Variants in SYNE1 observed in about 807,000 individuals in gnomAD.
The protein encoded by SYNE1 is nesprin-1.
In SYNE1, 616 loss-of-function variants were observed where a neutral mutation model predicts 1,111.0. The ratio of observed to expected loss-of-function variants is 0.55; its 90% CI spans 0.52 to 0.59. SYNE1 has a LOEUF of 0.59. Among genes scored for constraint, SYNE1 ranks in the 20% least tolerant of loss-of-function variants. The pLI is 0.00. For synonymous variants in SYNE1, 3,855 were observed against 3,825.8 expected (o/e 1.01, Z -0.28); for missense variants, 10,006 against 10,417.0 (o/e 0.96, Z 1.72).
At chr6:152,631,938 A>C (rs1167896615) in intron 2 of SYNE1, among the ~76,000 whole-genome samples, 2 of 152,154 alleles carry the variant, frequency 1.3e-5, no homozygotes, top group Non-Finnish European at 2.9e-5. Context: ...CACCCCTCTG[A>C]AGAACACTTT....
At chr6:152,589,715 T>A (rs1001118096) in intron 3 of SYNE1, among the ~76,000 whole-genome samples, 5 of 152,186 alleles carry the variant, frequency 3.3e-5, no homozygotes, top group Non-Finnish European at 5.9e-5. Flanking sequence ...CATAACCATC[T>A]AGCATGGCTC....
At chr6:152,534,636 T>C (rs1238347258) in intron 4 of SYNE1, among the ~76,000 whole-genome samples, 1 of 151,718 alleles carries the variant, frequency 6.6e-6, no homozygotes, top group East Asian at 1.9e-4. Flanking sequence ...TTTGGGGGGG[T>C]GAATTATTGC....
At chr6:152,310,239 C>A (rs771580591) in intron 89 of SYNE1, among the ~76,000 whole-genome samples, 157 bp downstream of exon 89, 10 of 151,768 alleles carry the variant, frequency 6.6e-5, no homozygotes, top group Non-Finnish European at 1.2e-4. Context: ...TTCAGGAGTT[C>A]GAGACCAGCC....
At chr6:152,253,826 T>TGTTTGTTTG (rs1248304861) in intron 104 of SYNE1, among the ~76,000 whole-genome samples, 1 of 57,266 alleles carries the variant, frequency 1.7e-5, no homozygotes, top group African/African-American at 1.4e-4. Flanking sequence ...TGGTTTTTTT[T>TGTTTGTTTG]TTTTTTTTTT....
At chr6:152,404,385 GA>G (rs2097863832) in intron 45 of SYNE1, 71 bp from the exon 46 acceptor site, 6 of 1,230,966 alleles carry the variant, frequency 4.9e-6, no homozygotes, top group Non-Finnish European at 7.2e-6. Flanking sequence ...ATAATTTCAA[GA>G]AGAGCTAACT....
chr6:152,456,638 T>C (rs1320499598), intron 22 of SYNE1: 2 of 396,184 alleles, frequency 5.0e-6, no homozygotes, highest in African/African-American at 2.1e-5. Flanking sequence ...CTGCTGCACA[T>C]CTGCAGGACA....
intron 38 of SYNE1, 29 bp downstream of exon 38, chr6:152,427,664 T>C (rs1295825562): frequency 7.4e-6 from 12 of 1,613,734 alleles, no homozygotes; most frequent in Non-Finnish European, 1.0e-5. Context: ...CATTTTATTT[T>C]TTCCTTCCTC....
chr6:152,415,789 T>TTA (rs1359856080), intron 41 of SYNE1, among the ~76,000 whole-genome samples: 2 of 73,022 alleles, frequency 2.7e-5, no homozygotes, highest in East Asian at 5.1e-4. Flanking sequence ...TTCAAAGTGG[T>TTA]AAAAAAAAAA....
intron 3 of SYNE1, among the ~76,000 whole-genome samples, chr6:152,564,835 G>A (rs1293017010): frequency 6.6e-6 from 1 of 152,084 alleles, no homozygotes; most frequent in African/African-American, 2.4e-5. Flanking sequence ...ATTTCAAAAG[G>A]TGACTTAGCC....
At chr6:152,560,280 C>A (rs190682944) in intron 3 of SYNE1, among the ~76,000 whole-genome samples, 1 of 152,056 alleles carries the variant, frequency 6.6e-6, no homozygotes, top group Admixed American at 6.6e-5. Context: ...GTGGGAGAAT[C>A]GCTTAAACCT....
At chr6:152,574,594 A>G (rs2099488909) in intron 3 of SYNE1, among the ~76,000 whole-genome samples, 1 of 152,222 alleles carries the variant, frequency 6.6e-6, no homozygotes, top group Admixed American at 6.5e-5. Flanking sequence ...GACTAAATGA[A>G]GCTTTGAGGG....
chr6:152,394,962 T>A (rs1211028789), intron 51 of SYNE1, among the ~76,000 whole-genome samples: 1 of 151,986 alleles, frequency 6.6e-6, no homozygotes, highest in Non-Finnish European at 1.5e-5. Flanking sequence ...TTTGTATTTT[T>A]AGTAGAGACA....
At chr6:152,194,610 C>T (rs530833061) in intron 127 of SYNE1, among the ~76,000 whole-genome samples, 1 of 152,328 alleles carries the variant, frequency 6.6e-6, no homozygotes, top group Non-Finnish European at 1.5e-5. Flanking sequence ...ATCTCTCTTT[C>T]TACCTCCTTT....
rs111322292 is a variant in SYNE1 at position 152,444,591 on chromosome 6, G to GAAA, written c.3670-16_3670-14dup. 3 of 1,288,314 alleles carry GAAA rather than the reference G, an allele frequency of 2.3e-6. No individual in the cohort carries two copies. Among genetic ancestry groups the GAAA allele is most frequent in the East Asian group, 3.0e-5 (1 of 33,252 alleles). The allele number at this position is 1,288,314 out of a possible 1,614,324, so 79.8% of individuals were successfully genotyped here. A position where few individuals can be genotyped will look rare whatever the true frequency, so the allele number is the denominator to read the frequency against. ...GCATCTTTTCAACCTATATTTTCAT[G>GAAA]AAAAAAAAAAACACGTAAATCATAT... On this transcript the variant is annotated splice_polypyrimidine_tract_variant and intron_variant, in intron 29 of 145. Transcript: ENST00000367255.
At chr6:152,612,431 C>T (rs554963066) in intron 3 of SYNE1, among the ~76,000 whole-genome samples, 1 of 152,214 alleles carries the variant, frequency 6.6e-6, no homozygotes, top group African/African-American at 2.4e-5. Flanking sequence ...CATACATCCT[C>T]CCAAGACTAA....
rs1227876695 is a variant in SYNE1, at chr6:152,310,815, A to G, written c.16769T>C (p.Leu5590Ser). The G allele has an allele frequency of 6.2e-7, 1 of 1,614,106 alleles. No individual in the cohort carries two copies. Among genetic ancestry groups the G allele is most frequent in the Non-Finnish European group, 8.5e-7 (1 of 1,180,008 alleles). The change falls in exon 88 of 146, where the codon TTA becomes TCA. Residue 5590 changes from leucine (L) to serine (S), a missense_variant. Transcript: ENST00000367255. ...DSELEAMTEK[L>S]QYLTSVYCTE... The stretch of plus-strand genomic sequence containing the variant: ...ACAGTACACGCTAGTGAGGTACTGT[A>G]ATTTCTCAGTCATTGCTTCCAGCTC...
chr6:152,149,768 T>G, intron 135 of SYNE1, 100 bp from the exon 136 acceptor site: 1 of 1,010,040 alleles, frequency 9.9e-7, no homozygotes, highest in East Asian at 2.5e-5. Context: ...AAAAAAGACA[T>G]GTAGGGGCTA....
At chr6:152,141,373 T>G in intron 138 of SYNE1, 44 bp from the exon 139 acceptor site, 1 of 1,611,954 alleles carries the variant, frequency 6.2e-7, no homozygotes, top group Non-Finnish European at 8.5e-7. Flanking sequence ...CAAATCTTCA[T>G]GAGTGCAAAA....
At chr6:152,181,888 C>T (rs79623796) in intron 128 of SYNE1, among the ~76,000 whole-genome samples, 3,536 of 152,282 alleles carry the variant, frequency 0.023, 63 homozygotes, top group Non-Finnish European at 0.036. Flanking sequence ...ATTTCACATT[C>T]CCACCAGTAG....
Sources: gnomAD v4.1 joint callset for allele counts (sites outside exome capture counted in the v4.1 genomes callset) on GRCh38, gnomAD v4.1.1 for gene constraint, MANE v1.5 for transcripts, NCBI Gene and HGNC (gene_info 2026-07-23, HGNC 2026-07-21) for gene names.